CD37: variants seen among roughly 807,000 people sequenced by gnomAD.
CD37 encodes leukocyte antigen CD37.
Under a neutral mutation model 38.9 loss-of-function variants are expected in CD37, and 37 were observed. That is an observed-to-expected ratio of 0.95 (90% CI 0.73 to 1.25). The LOEUF is 1.25. Among genes scored for constraint, CD37 ranks in the 50% most tolerant of loss-of-function variants. The pLI, the probability that CD37 is intolerant of heterozygous loss-of-function variation, is 0.00. For synonymous variants in CD37, 146 were observed against 150.1 expected (o/e 0.97, Z 0.20); for missense variants, 351 against 360.1 (o/e 0.97, Z 0.20).
In CD37 at chr19:49,337,174, G is replaced by A; in HGVS notation, c.295G>A (p.Ala99Thr). The change falls in exon 4 of 8, where the codon GCC becomes ACC. Residue 99 changes from alanine to threonine, a missense_variant. By Grantham distance (58) the Ala-to-Thr change is moderately conservative. Coordinates refer to ENST00000323906, the MANE Select transcript of CD37 (RefSeq NM_001774.3). ...LYFGMLLLLF[A>T]TQITLGILIS... ...TTTTGGGATGCTGCTGCTCCTGTTT[G>A]CCACACAGATCACCCTGGGAATCCT... 6.2e-7 allele frequency: 1 copy of A among 1,614,150 alleles called. No homozygotes were observed.
chr19:49,339,361 A>G lies in CD37; in HGVS notation c.716A>G (p.His239Arg). 1 of 1,614,074 alleles carries G rather than the reference A, an allele frequency of 6.2e-7. No individual in the cohort carries two copies. Among genetic ancestry groups the G allele is most frequent in the African/African-American group, 1.3e-5 (1 of 75,030 alleles). The change falls in exon 7 of 8, where the codon CAC (histidine) becomes CGC (arginine). Residue 239 changes from histidine (H) to arginine (R), a missense_variant. Transcript: ENST00000323906. This position sits in a 1 kb window ranked among gnomAD's most constrained non-coding sequence, Gnocchi z 4.5. ...GCGCAGGGCCTCCAGAAGTGGCTGC[A>G]CAACAACCTTATTTCCATAGTGGGC... ...GCAQGLQKWL[H>R]NNLISIVGIC...
rs1327291297 is a variant in CD37, at chr19:49,338,527, G to T, written c.448-173G>T. Among the ~76,000 whole-genome samples the T allele has an allele frequency of 6.6e-6, 1 of 151,512 alleles. No individual in the cohort carries two copies. Among genetic ancestry groups the T allele is most frequent in the Non-Finnish European group, 1.5e-5 (1 of 67,882 alleles). Reference sequence around the variant, plus strand: ...TCGTCTTTCCCAGCCCCATGTTCCCGTAATGTCCCCTGGCTCCGGCCCCAT... The same window carrying T: ...TCGTCTTTCCCAGCCCCATGTTCCCTTAATGTCCCCTGGCTCCGGCCCCAT... On this transcript the variant is annotated intron_variant, in intron 5 of 7. Transcript: ENST00000323906. The surrounding 1 kb of genome is among the most constrained non-coding windows in gnomAD (Gnocchi z 5.0).
chr19:49,335,555 G>C lies in CD37; in HGVS notation c.15G>C (p.Glu5Asp). 6.2e-7 allele frequency: 1 copy of C among 1,613,964 alleles called. No homozygotes were observed. The highest frequency in any genetic ancestry group is 8.5e-7 in the Non-Finnish European group (1 of 1,179,888). MSAQ[E>D]SCLSLIKYFL... ...ACTAGGTGAAGATGTCAGCCCAGGA[G>C]AGCTGCCTCAGCCTCATCAAGTACT... The change falls in exon 1 of 8, where the codon GAG (glutamate) becomes GAC (aspartate). Residue 5 changes from glutamate (E) to aspartate (D), a missense_variant. Transcript: ENST00000323906. The surrounding 1 kb of genome is among the most constrained non-coding windows in gnomAD (Gnocchi z 4.6).
Position 49,339,414 on chromosome 19 carries a change from G to C in CD37, c.768+1G>C. 1.9e-6 allele frequency: 3 copies of C among 1,613,362 alleles called. No homozygotes were observed. Among genetic ancestry groups the C allele is most frequent in the Non-Finnish European group, 1.7e-6 (2 of 1,179,526 alleles). On this transcript the variant is annotated splice_donor_variant, in intron 7 of 7. Coordinates refer to ENST00000323906, the MANE Select transcript of CD37 (RefSeq NM_001774.3). LOFTEE classifies it high-confidence loss of function. The surrounding 1 kb of genome is among the most constrained non-coding windows in gnomAD (Gnocchi z 4.5). ...TTGCCTGGGCGTCGGCCTACTCGAG[G>C]TGATCTGGCCCCGCCCCCACCCGCG...
At position 49,338,619 on chromosome 19, in the gene CD37, T is replaced by A; in HGVS notation, c.448-81T>A. 1 of 1,032,714 alleles carries A rather than the reference T, an allele frequency of 9.7e-7. No individual in the cohort carries two copies. Among genetic ancestry groups the A allele is most frequent in the South Asian group, 1.3e-5 (1 of 75,140 alleles). The allele number at this position is 1,032,714 out of a possible 1,614,324, so 64.0% of individuals were successfully genotyped here. The stretch of plus-strand genomic sequence containing the variant: ...TAGTCCCCTGCTCCCCGACCTGACC[T>A]CATACCCATCACCTTGTCCCCTGAT... On this transcript the variant is annotated intron_variant, in intron 5 of 7. Transcript: ENST00000323906. This position sits in a 1 kb window ranked among gnomAD's most constrained non-coding sequence, Gnocchi z 5.0.
rs1446087927 is a variant in CD37 at position 49,339,046 on chromosome 19, A to C, written c.684+110A>C. On this transcript the variant is annotated intron_variant, in intron 6 of 7. Coordinates refer to ENST00000323906, the MANE Select transcript of CD37 (RefSeq NM_001774.3). This position sits in a 1 kb window ranked among gnomAD's most constrained non-coding sequence, Gnocchi z 4.5. ...AAAGGGCGGGGTCTACGAGAAAAGG[A>C]AAGGTACGGCAGGAGGGGCGGGGCC... 31 of 940,300 alleles carry C rather than the reference A, an allele frequency of 3.3e-5. No individual in the cohort carries two copies. In the Admixed American group the frequency reaches 4.4e-4, roughly 13 times the overall value. The allele number at this position is 940,300 out of a possible 1,614,324, so 58.2% of individuals were successfully genotyped here. A position where few individuals can be genotyped will look rare whatever the true frequency, so the allele number is the denominator to read the frequency against.
Position 49,339,198 on chromosome 19 carries a change from G to C in CD37, c.685-132G>C, listed in dbSNP as rs1275406598. On this transcript the variant is annotated intron_variant, in intron 6 of 7. Transcript: ENST00000323906. This position sits in a 1 kb window ranked among gnomAD's most constrained non-coding sequence, Gnocchi z 4.5. ...TGAAGCGAGGGTGCACTAGTAAGGA[G>C]ACTAGAGTGCCCTGGTGACTAGGGG... 1 of 815,506 alleles carries C rather than the reference G, an allele frequency of 1.2e-6. No individual in the cohort carries two copies. The highest frequency in any genetic ancestry group is 2.0e-6 in the Non-Finnish European group (1 of 492,840). 50.5% of individuals were successfully genotyped at this position (815,506 alleles called of 1,614,324 possible). A position where few individuals can be genotyped will look rare whatever the true frequency, so the allele number is the denominator to read the frequency against.
intron 4 of CD37, 68 bp downstream of exon 4, chr19:49,337,289 G>T: frequency 6.8e-7 from 1 of 1,471,634 alleles, no homozygotes; most frequent in Non-Finnish European, 9.5e-7. Context: ...GGTGGGAGAG[G>T]GTGGAGAGAG....
chr19:49,340,423 G>A lies in CD37; in HGVS notation c.*95G>A, dbSNP rs1971189284. On this transcript the variant is annotated 3_prime_UTR_variant, in exon 8 of 8. Coordinates refer to ENST00000323906, the MANE Select transcript of CD37 (RefSeq NM_001774.3). Reference sequence around the variant, plus strand: ...TATTTGTTTAATCCCCAGTTCGCCTGGAGCCCTCCGCCTTCACATTCCCCT... The same window carrying A: ...TATTTGTTTAATCCCCAGTTCGCCTAGAGCCCTCCGCCTTCACATTCCCCT... The A allele has an allele frequency of 1.1e-6, 1 of 893,314 alleles. No homozygotes were observed. The highest frequency in any genetic ancestry group is 1.8e-6 in the Non-Finnish European group (1 of 547,624). The allele number at this position is 893,314 out of a possible 1,614,324, so 55.3% of individuals were successfully genotyped here.
In CD37 at chr19:49,335,631, C is replaced by A. The variant is rs1193473894; in HGVS notation, c.69+22C>A. 1.2e-6 allele frequency: 2 copies of A among 1,612,316 alleles called. No homozygotes were observed. Among genetic ancestry groups the A allele is most frequent in the Non-Finnish European group, 1.7e-6 (2 of 1,178,416 alleles). On this transcript the variant is annotated intron_variant, in intron 1 of 7. Coordinates refer to ENST00000323906, the MANE Select transcript of CD37 (RefSeq NM_001774.3). This position sits in a 1 kb window ranked among gnomAD's most constrained non-coding sequence, Gnocchi z 4.6. ...CTTCGTGAGTTGCCTCATGGCTACC[C>A]AGCCGGGGCCCAGCCCCTGCCGCTA...
At position 49,338,773 on chromosome 19, in the gene CD37, C is replaced by T. The variant is rs750312462; in HGVS notation, c.521C>T (p.Ala174Val). 2.5e-6 allele frequency: 4 copies of T among 1,613,686 alleles called. No homozygotes were observed. Among genetic ancestry groups the T allele is most frequent in the South Asian group, 1.1e-5 (1 of 91,082 alleles). Residue 174 changes from alanine (A) to valine (V), a missense_variant, in exon 6 of 8, where the codon GCG becomes GTG. Physicochemically the swap from Ala to Val is moderately conservative, Grantham distance 64. Transcript: ENST00000323906. This position sits in a 1 kb window ranked among gnomAD's most constrained non-coding sequence, Gnocchi z 5.0. ...ATCCTGAGAGGTAACGGGTCGGAGGCGCACCGCGTGCCCTGCTCCTGCTAC... is the reference window on the plus strand; with the variant it reads ...ATCCTGAGAGGTAACGGGTCGGAGGTGCACCGCGTGCCCTGCTCCTGCTAC... The part of the protein sequence containing the change: ...VLILRGNGSE[A>V]HRVPCSCYNL...
chr19:49,340,097 C>G, intron 7 of CD37, 154 bp from the exon 8 acceptor site: 6 of 1,529,112 alleles, frequency 3.9e-6, no homozygotes, highest in Non-Finnish European at 5.3e-6. Flanking sequence ...GCGGCAGTTC[C>G]CGTCGAGCCC....
At position 49,340,047 on chromosome 19, in the gene CD37, C is replaced by T; in HGVS notation, c.769-204C>T. 3 of 1,499,816 alleles carry T rather than the reference C, an allele frequency of 2.0e-6. No homozygotes were observed. The South Asian group carries it at 3.9e-5, about 20-fold the overall frequency. 92.9% of individuals were successfully genotyped at this position (1,499,816 alleles called of 1,614,324 possible). On this transcript the variant is annotated intron_variant, in intron 7 of 7. Coordinates refer to ENST00000323906, the MANE Select transcript of CD37 (RefSeq NM_001774.3). ...ACCTTACTCCTTCTCAGCCTCTACC[C>T]CCACTTGTAGCAGCTATTCCCGCCT... is the stretch of plus-strand genomic sequence containing the variant.
Position 49,340,440 on chromosome 19 carries a change from CATTCCCCTGGGGACCCACGT to C in CD37, c.*113_*132del. 1.2e-6 allele frequency: 1 copy of C among 801,582 alleles called. No homozygotes were observed. The highest frequency in any genetic ancestry group is 2.1e-6 in the Non-Finnish European group (1 of 470,502). The allele number at this position is 801,582 out of a possible 1,614,324, so 49.7% of individuals were successfully genotyped here. A position where few individuals can be genotyped will look rare whatever the true frequency, so the allele number is the denominator to read the frequency against. On this transcript the variant is annotated 3_prime_UTR_variant, in exon 8 of 8. Coordinates refer to ENST00000323906, the MANE Select transcript of CD37 (RefSeq NM_001774.3). Reference sequence around the variant, plus strand: ...GTTCGCCTGGAGCCCTCCGCCTTCACATTCCCCTGGGGACCCACGTGGCTGCGTGCCCCTGCTGCTGTCAC... The same window carrying C: ...GTTCGCCTGGAGCCCTCCGCCTTCACGGCTGCGTGCCCCTGCTGCTGTCAC...
rs779259896 is a variant in CD37 at position 49,336,955 on chromosome 19, C to G, written c.189C>G (p.Ile63Met). The G allele has an allele frequency of 3.4e-5, 55 of 1,614,074 alleles. No homozygotes were observed. The highest frequency in any genetic ancestry group is 1.5e-4 in the Admixed American group (9 of 60,006). ...AGATCTGGTCCAAAGTCCTGGCCATCTCAGGAATCTTCACCATGGGCATCG... is the reference window on the plus strand; with the variant it reads ...AGATCTGGTCCAAAGTCCTGGCCATGTCAGGAATCTTCACCATGGGCATCG... ...PLQIWSKVLAISGIFTMGIAL... is the reference protein window; with the variant it reads ...PLQIWSKVLAMSGIFTMGIAL... Residue 63 changes from isoleucine (I) to methionine (M), a missense_variant, in exon 3 of 8, where the codon ATC (isoleucine) becomes ATG (methionine). Physicochemically the swap from Ile to Met is conservative, Grantham distance 10. Coordinates refer to ENST00000323906, the MANE Select transcript of CD37 (RefSeq NM_001774.3).
At chr19:49,336,683 A>C in intron 2 of CD37, 6 of 506,782 alleles carry the variant, frequency 1.2e-5, no homozygotes, top group East Asian at 3.4e-5. Flanking sequence ...TGAAGGAGGA[A>C]GGAGAGGGTA....
intron 4 of CD37, 53 bp downstream of exon 4, chr19:49,337,274 G>A (rs1970993400): frequency 3.9e-6 from 6 of 1,536,240 alleles, no homozygotes; most frequent in African/African-American, 2.7e-5. Context: ...GAGAGGGAAG[G>A]GAGTGGTGGG....
intron 7 of CD37, chr19:49,340,042 C>G: frequency 6.7e-7 from 1 of 1,496,316 alleles, no homozygotes; most frequent in Non-Finnish European, 8.9e-7. Context: ...TTCTCAGCCT[C>G]TACCCCCACT....
rs1971129820 is a variant in CD37 at position 49,339,691 on chromosome 19, CGCAGG to C, written c.768+282_768+286del. 2 of 1,414,620 alleles carry C rather than the reference CGCAGG, an allele frequency of 1.4e-6. No homozygotes were observed. Among genetic ancestry groups the C allele is most frequent in the Admixed American group, 6.1e-5 (2 of 32,828 alleles). 87.6% of individuals were successfully genotyped at this position (1,414,620 alleles called of 1,614,324 possible). ...CATGGTGCTGAGCGTACAGCTACAG[CGCAGG>C]GCACTCCGCCGGAAATGCGAGCCGC... is the stretch of plus-strand genomic sequence containing the variant. On this transcript the variant is annotated intron_variant, in intron 7 of 7. Coordinates refer to ENST00000323906, the MANE Select transcript of CD37 (RefSeq NM_001774.3). This position sits in a 1 kb window ranked among gnomAD's most constrained non-coding sequence, Gnocchi z 4.5.
Sources: allele counts gnomAD v4.1 joint callset (sites outside exome capture counted in the v4.1 genomes callset), GRCh38; gene constraint gnomAD v4.1.1; non-coding constraint Gnocchi (gnomAD v3.1); transcripts MANE v1.5; gene names NCBI Gene and HGNC (gene_info 2026-07-23, HGNC 2026-07-21).